Variants in TAB2 observed in about 807,000 individuals in gnomAD.
TAB2 encodes TGF-beta activated kinase 1 (MAP3K7) binding protein 2, also known as TGF-beta-activated kinase 1 and MAP3K7-binding protein 2.
In TAB2, 3 loss-of-function variants were observed where a neutral mutation model predicts 65.0. The observed-to-expected ratio is 0.05, with a 90% CI of 0.02 to 0.12. TAB2 has a LOEUF of 0.12. TAB2 is among the 10% of genes least tolerant of loss of function. The pLI, the probability that TAB2 is intolerant of heterozygous loss-of-function variation, is 1.00. For missense variants in TAB2, 623 were observed against 840.3 expected, an observed-to-expected ratio of 0.74 and a Z score of 3.20; for synonymous variants, 298 against 285.1, an observed-to-expected ratio of 1.05 and a Z score of -0.46.
intron 1 of TAB2, among the ~76,000 whole-genome samples, chr6:149,282,200 C>A (rs1778589108): frequency 6.6e-6 from 1 of 151,978 alleles, no homozygotes; most frequent in Non-Finnish European, 1.5e-5. Context: ...ATAAAGTTGT[C>A]AATTCATCAG....
chr6:149,236,521 T>A, intron 1 of TAB2, among the ~76,000 whole-genome samples: 1 of 152,154 alleles, frequency 6.6e-6, no homozygotes, highest in Non-Finnish European at 1.5e-5. Context: ...ACATCTGAGG[T>A]TTCTACTCAC....
intron 3 of TAB2, 39 bp from the exon 4 acceptor site, chr6:149,397,565 A>C (rs1782214493): frequency 1.2e-6 from 2 of 1,612,014 alleles, no homozygotes; most frequent in South Asian, 1.1e-5. Context: ...TAATTGATTA[A>C]AGTGGGTGGG....
intron 6 of TAB2, among the ~76,000 whole-genome samples, chr6:149,405,674 A>G (rs1008051207): frequency 7.2e-5 from 11 of 152,210 alleles, no homozygotes; most frequent in African/African-American, 2.7e-4. Flanking sequence ...TATCTCACCT[A>G]TATGTAGAAT....
At chr6:149,337,735 T>C (rs1161655649) in intron 1 of TAB2, among the ~76,000 whole-genome samples, 1 of 152,208 alleles carries the variant, frequency 6.6e-6, no homozygotes, top group Non-Finnish European at 1.5e-5. Flanking sequence ...GAGTGAAATA[T>C]TTAAAGTGGT....
rs775142540 is a variant in TAB2, at chr6:149,378,876, C to T, written c.961C>T (p.Pro321Ser). The change falls in exon 3 of 7, where the codon CCT (proline) becomes TCT (serine). Residue 321 changes from proline to serine, a missense_variant. Transcript: ENST00000637181. ...TAACATTCAGAATATTTCAACAGGA[C>T]CTCGAAAAAACCAGATTGAAATCAA... The part of the protein sequence containing the change: ...QYNIQNISTG[P>S]RKNQIEIKLE... 2.5e-6 allele frequency: 4 copies of T among 1,614,126 alleles called. No individual in the cohort carries two copies. Among genetic ancestry groups the T allele is most frequent in the Middle Eastern group, 1.6e-4 (1 of 6,062 alleles).
chr6:149,305,457 C>T (rs1311265004), intron 1 of TAB2, among the ~76,000 whole-genome samples: 1 of 152,140 alleles, frequency 6.6e-6, no homozygotes, highest in African/African-American at 2.4e-5. Flanking sequence ...ACTGTTCAGA[C>T]TCAGGAACCA....
chr6:149,362,640 A>C (rs1402223214), intron 1 of TAB2, among the ~76,000 whole-genome samples: 3 of 135,008 alleles, frequency 2.2e-5, no homozygotes, highest in African/African-American at 8.4e-5. Context: ...TGGACTTTGG[A>C]ACAATTTAAA....
At position 149,367,437 on chromosome 6, in the gene TAB2, C is replaced by G. The variant is rs375018635; in HGVS notation, c.-89-2472C>G. On this transcript the variant is annotated intron_variant, in intron 1 of 6. Coordinates refer to ENST00000637181, the MANE Select transcript of TAB2 (RefSeq NM_001292034.3). The stretch of plus-strand genomic sequence containing the variant: ...AAGAGTGACTTCTTTGAGAAATCAC[C>G]AGACTGCCATTTTGAATTGAGGGAA... Among the ~76,000 whole-genome samples, 31 of 152,162 alleles carry G rather than the reference C, an allele frequency of 2.0e-4. 1 individual carries two copies. The South Asian group carries it at 4.8e-3, about 23-fold the overall frequency.
intron 1 of TAB2, among the ~76,000 whole-genome samples, chr6:149,265,108 A>G (rs990022399): frequency 1.3e-5 from 2 of 151,424 alleles, no homozygotes; most frequent in African/African-American, 4.9e-5. Flanking sequence ...GAAAAAAAAA[A>G]GAGGGAAAGA....
Position 149,256,979 on chromosome 6 carries a change from A to G in TAB2, c.-121+38203A>G, listed in dbSNP as rs145561078. On this transcript the variant is annotated intron_variant, in intron 1 of 1. Coordinates refer to the TAB2 transcript ENST00000606202. The stretch of plus-strand genomic sequence containing the variant: ...AATTTGGACCATAGTTCTAAAGAAA[A>G]CCAATCTGATCCCAAACATTTCACG... 1.8e-3 allele frequency among the ~76,000 whole-genome samples: 281 copies of G among 152,352 alleles called. 1 individual carries two copies. The highest frequency in any genetic ancestry group is 6.3e-3 in the African/African-American group (264 of 41,598).
At chr6:149,271,050 T>G (rs975743317) in intron 1 of TAB2, among the ~76,000 whole-genome samples, 1 of 151,940 alleles carries the variant, frequency 6.6e-6, no homozygotes, top group Non-Finnish European at 1.5e-5. Flanking sequence ...CTTTTTTTTT[T>G]CATTTTGACT....
intron 1 of TAB2, among the ~76,000 whole-genome samples, chr6:149,360,107 T>C (rs1309406808): frequency 6.6e-6 from 1 of 152,264 alleles, no homozygotes; most frequent in Non-Finnish European, 1.5e-5. Flanking sequence ...CCAGTTTTTT[T>C]AAAGTAAATG....
chr6:149,260,693 G>A (rs1778135483), intron 1 of TAB2, among the ~76,000 whole-genome samples: 1 of 152,196 alleles, frequency 6.6e-6, no homozygotes, highest in South Asian at 2.1e-4. Context: ...GGGCTGGAGG[G>A]TGGCGTGGTA....
At chr6:149,243,690 T>C (rs1777645411) in intron 1 of TAB2, 1 of 152,248 alleles carries the variant, frequency 6.6e-6, no homozygotes, top group African/African-American at 2.4e-5. Flanking sequence ...ATCCTCTTCT[T>C]AACACAGTTC....
intron 1 of TAB2, among the ~76,000 whole-genome samples, chr6:149,269,781 C>A (rs1364822092): frequency 1.3e-5 from 2 of 152,128 alleles, no homozygotes; most frequent in South Asian, 2.1e-4. Context: ...TAATTCGTTT[C>A]TTTTATTGCT....
intron 6 of TAB2, among the ~76,000 whole-genome samples, chr6:149,408,494 ATTTAC>A (rs923062524): frequency 7.9e-5 from 12 of 152,156 alleles, no homozygotes; most frequent in Non-Finnish European, 1.8e-4. Flanking sequence ...CTGTATTTTT[ATTTAC>A]TTGTTACAAT....
intron 1 of TAB2, among the ~76,000 whole-genome samples, chr6:149,260,681 G>A (rs940471226): frequency 3.3e-5 from 5 of 152,188 alleles, no homozygotes; most frequent in South Asian, 2.1e-4. Context: ...TCTATGGGAC[G>A]GGGGCTGGAG....
At chr6:149,227,680 T>C (rs1777311152) in intron 1 of TAB2, among the ~76,000 whole-genome samples, 2 of 152,310 alleles carry the variant, frequency 1.3e-5, no homozygotes, top group South Asian at 2.1e-4. Context: ...TTCTGGACCT[T>C]GGGCAAGATA....
chr6:149,338,856 C>T (rs1780013435), intron 1 of TAB2, among the ~76,000 whole-genome samples: 1 of 152,202 alleles, frequency 6.6e-6, no homozygotes, highest in Non-Finnish European at 1.5e-5. Context: ...CACCTTGTAG[C>T]AGGATTCTTT....
Sources: gnomAD v4.1 joint callset for allele counts (sites outside exome capture counted in the v4.1 genomes callset) on GRCh38, gnomAD v4.1.1 for gene constraint, MANE v1.5 for transcripts, NCBI Gene and HGNC (gene_info 2026-07-23, HGNC 2026-07-21) for gene names.